Variants in GFOD2 observed in about 807,000 individuals in gnomAD.
The protein encoded by GFOD2 is Gfo/Idh/MocA-like oxidoreductase domain containing 2.
Under a neutral mutation model 24.6 loss-of-function variants are expected in GFOD2, and 9 were observed. That is an observed-to-expected ratio of 0.37 (90% CI 0.22 to 0.64). GFOD2 has a LOEUF of 0.64. Among genes scored for constraint, GFOD2 ranks in the 30% least tolerant of loss-of-function variants. The probability of loss-of-function intolerance (pLI) is 0.65; values close to 1 mark genes in which losing one functional copy is unlikely to be tolerated. For synonymous variants in GFOD2, 211 were observed against 224.8 expected, an observed-to-expected ratio of 0.94 and a Z score of 0.55; for missense variants, 476 against 532.5, an observed-to-expected ratio of 0.89 and a Z score of 1.04.
chr16:67,708,427 C>T (rs1221368176), intron 1 of GFOD2, among the ~76,000 whole-genome samples: 1 of 152,178 alleles, frequency 6.6e-6, no homozygotes, highest in Admixed American at 6.5e-5. Context: ...CTGAGCGTAT[C>T]TGAAGATGGC....
chr16:67,702,625 A>C (rs1233791527), intron 1 of GFOD2, among the ~76,000 whole-genome samples: 2 of 105,598 alleles, frequency 1.9e-5, no homozygotes, highest in African/African-American at 7.2e-5. Flanking sequence ...TTTGAGATGG[A>C]GTCTCGCTCT....
intron 1 of GFOD2, among the ~76,000 whole-genome samples, chr16:67,717,913 G>A (rs1217147434): frequency 2.6e-5 from 4 of 152,182 alleles, no homozygotes; most frequent in Non-Finnish European, 5.9e-5. Flanking sequence ...TGTGAAATAA[G>A]GATTCGACCA....
intron 1 of GFOD2, among the ~76,000 whole-genome samples, chr16:67,696,929 G>A (rs1460195694): frequency 1.3e-5 from 2 of 152,210 alleles, no homozygotes; most frequent in Admixed American, 6.5e-5. Context: ...GGCAGAGCTG[G>A]TTTTCCTTGT....
intron 1 of GFOD2, among the ~76,000 whole-genome samples, chr16:67,707,423 A>G (rs1460441342): frequency 6.6e-6 from 1 of 152,080 alleles, no homozygotes; most frequent in Non-Finnish European, 1.5e-5. Context: ...TGGAACTCCC[A>G]TACATTCTTG....
intron 1 of GFOD2, among the ~76,000 whole-genome samples, chr16:67,686,791 A>T (rs541370407): frequency 6.6e-6 from 1 of 151,448 alleles, no homozygotes; most frequent in East Asian, 2.0e-4. Flanking sequence ...AGCCAAGATC[A>T]CACCACTGCA....
chr16:67,700,111 C>T (rs1427694438), intron 1 of GFOD2, among the ~76,000 whole-genome samples: 3 of 151,784 alleles, frequency 2.0e-5, no homozygotes, highest in Non-Finnish European at 4.4e-5. Context: ...CGGTGGCTCA[C>T]GCCTATAATC....
chr16:67,690,890 TCTCA>T (rs1372596381), intron 1 of GFOD2, among the ~76,000 whole-genome samples: 5 of 152,218 alleles, frequency 3.3e-5, no homozygotes, highest in Admixed American at 1.3e-4. Flanking sequence ...TGAAATGGAG[TCTCA>T]CTCTGTCATC....
rs2053308786 is a variant in GFOD2, at chr16:67,691,033, T to C, written c.-87-5231A>G. ...ATGTGTCATCATGCCCAGCTAATTT[T>C]TATATTTTTTAGTAGAGATGGGGTT... On this transcript the variant is annotated intron_variant, in intron 1 of 2. Coordinates refer to ENST00000268797, the MANE Select transcript of GFOD2 (RefSeq NM_030819.4). Among the ~76,000 whole-genome samples, 3 of 152,128 alleles carry C rather than the reference T, an allele frequency of 2.0e-5. No individual in the cohort carries two copies. In the South Asian group the frequency reaches 6.2e-4, roughly 32 times the overall value.
intron 1 of GFOD2, among the ~76,000 whole-genome samples, chr16:67,694,773 C>T (rs942025112): frequency 6.6e-6 from 1 of 152,136 alleles, no homozygotes; most frequent in African/African-American, 2.4e-5. Context: ...CTTTGTGAAC[C>T]ACTAAATTAC....
In GFOD2 at chr16:67,675,577, C is replaced by T. The variant is rs572454378; in HGVS notation, c.736G>A (p.Ala246Thr). The T allele has an allele frequency of 2.6e-5, 42 of 1,613,462 alleles. No individual in the cohort carries two copies. The Admixed American group carries it at 4.3e-4, about 17-fold the overall frequency. ...TVTLNFNMPG[A>T]FVHEVMVVGS... ...ACCACCATGACTTCATGCACAAAGGCGCCTGGCATGTTGAAGTTGAGTGTC... is the reference window on the plus strand; with the variant it reads ...ACCACCATGACTTCATGCACAAAGGTGCCTGGCATGTTGAAGTTGAGTGTC... Residue 246 changes from alanine (A) to threonine (T), a missense_variant, in exon 3 of 3, where the codon GCC becomes ACC. Physicochemically the swap from Ala to Thr is moderately conservative, Grantham distance 58. Transcript: ENST00000268797.
intron 1 of GFOD2, among the ~76,000 whole-genome samples, chr16:67,710,301 G>A (rs545516715): frequency 6.6e-6 from 1 of 150,542 alleles, no homozygotes; most frequent in Non-Finnish European, 1.5e-5. Flanking sequence ...TGTATTTTTA[G>A]TAGAAACCGG....
At chr16:67,688,067 A>G (rs1441510756) in intron 1 of GFOD2, among the ~76,000 whole-genome samples, 1 of 152,234 alleles carries the variant, frequency 6.6e-6, no homozygotes, top group South Asian at 2.1e-4. Flanking sequence ...GATGTCCAAT[A>G]CAAGTAATGG....
At chr16:67,690,570 C>T (rs2053304533) in intron 1 of GFOD2, among the ~76,000 whole-genome samples, 1 of 151,924 alleles carries the variant, frequency 6.6e-6, no homozygotes, top group Admixed American at 6.6e-5. Flanking sequence ...TTATCGTTCA[C>T]TTTTAAAGCC....
intron 1 of GFOD2, among the ~76,000 whole-genome samples, chr16:67,696,034 G>A (rs567497481): frequency 2.7e-5 from 4 of 149,122 alleles, no homozygotes; most frequent in African/African-American, 4.9e-5. Context: ...TTTTGAGATC[G>A]AGTTTCGCTC....
intron 1 of GFOD2, among the ~76,000 whole-genome samples, chr16:67,687,223 T>C (rs1490568630): frequency 2.6e-5 from 4 of 151,240 alleles, no homozygotes; most frequent in East Asian, 1.9e-4. Context: ...AAAGAACTAA[T>C]TGCTATACAG....
intron 2 of GFOD2, 158 bp downstream of exon 2, chr16:67,685,299 C>A (rs150082971): frequency 9.7e-6 from 14 of 1,450,742 alleles, no homozygotes; most frequent in Middle Eastern, 2.4e-4. Flanking sequence ...TTTTTCATGC[C>A]CTCCCCAAGC....
At chr16:67,689,048 T>G (rs1478364064) in intron 1 of GFOD2, among the ~76,000 whole-genome samples, 1 of 141,616 alleles carries the variant, frequency 7.1e-6, no homozygotes, top group African/African-American at 2.6e-5. Flanking sequence ...CTACTTTTTG[T>G]TTTTTTTTTT....
chr16:67,691,507 G>GAC lies in GFOD2; in HGVS notation c.-87-5707_-87-5706dup, dbSNP rs2053312849. 5.9e-5 allele frequency among the ~76,000 whole-genome samples: 8 copies of GAC among 135,878 alleles called. 1 individual carries two copies. The highest frequency in any genetic ancestry group is 2.2e-4 in the African/African-American group (7 of 31,920). 89.1% of individuals were successfully genotyped at this position (135,878 alleles called of 152,430 possible). ...ACAGAAGCAAGTCACACTGTGCCTA[G>GAC]ACCCCCCCCCAAAAAAAAAAAAATT... On this transcript the variant is annotated intron_variant, in intron 1 of 2. Transcript: ENST00000268797.
intron 1 of GFOD2, among the ~76,000 whole-genome samples, chr16:67,696,037 T>C (rs959371856): frequency 4.0e-5 from 6 of 150,614 alleles, no homozygotes; most frequent in Non-Finnish European, 5.9e-5. Flanking sequence ...TGAGATCGAG[T>C]TTCGCTCTTT....
Sources: allele counts gnomAD v4.1 joint callset (sites outside exome capture counted in the v4.1 genomes callset), GRCh38; gene constraint gnomAD v4.1.1; transcripts MANE v1.5; gene names NCBI Gene and HGNC (gene_info 2026-07-23, HGNC 2026-07-21).